RALYL: variants seen among roughly 807,000 people sequenced by gnomAD.
RALYL encodes RNA-binding Raly-like protein.
RALYL carries 29 observed loss-of-function variants against 35.1 expected under a neutral mutation model. The ratio of observed to expected loss-of-function variants is 0.83; its 90% CI spans 0.61 to 1.13. The LOEUF is 1.13. Ranked by LOEUF, RALYL falls within the 50% of genes most tolerant of loss-of-function variation. The probability of loss-of-function intolerance (pLI) is 0.00; values close to 1 mark genes in which losing one functional copy is unlikely to be tolerated. For synonymous variants in RALYL, 120 were observed against 127.6 expected (o/e 0.94, Z 0.40); for missense variants, 359 against 360.4 (o/e 1.00, Z 0.03).
At chr8:84,672,504 C>A (rs2131840961) in intron 2 of RALYL, among the ~76,000 whole-genome samples, 1 of 152,288 alleles carries the variant, frequency 6.6e-6, no homozygotes, top group East Asian at 1.9e-4. Context: ...CACCCCATTA[C>A]TTCGTACTAA....
At chr8:84,433,385 AG>A (rs2047349769) in intron 1 of RALYL, among the ~76,000 whole-genome samples, 1 of 152,066 alleles carries the variant, frequency 6.6e-6, no homozygotes, top group African/African-American at 2.4e-5. Flanking sequence ...AAATTCTTAG[AG>A]GGAGAGAATT....
At chr8:84,770,892 ATTAT>A (rs1282766684) in intron 2 of RALYL, among the ~76,000 whole-genome samples, 3 of 151,710 alleles carry the variant, frequency 2.0e-5, no homozygotes, top group African/African-American at 7.3e-5. Context: ...TTTTGATGTG[ATTAT>A]TTGTTTTTTT....
At chr8:84,236,587 A>T (rs1462516570) in intron 1 of RALYL, among the ~76,000 whole-genome samples, 1 of 152,150 alleles carries the variant, frequency 6.6e-6, no homozygotes, top group African/African-American at 2.4e-5. Flanking sequence ...AGACACTAGG[A>T]TTTGTGCTGA....
At chr8:84,792,835 C>T (rs181354205) in intron 3 of RALYL, among the ~76,000 whole-genome samples, 229 of 152,328 alleles carry the variant, frequency 1.5e-3, no homozygotes, top group African/African-American at 5.4e-3. Flanking sequence ...TTGTACTCTT[C>T]AAACCTGGAT....
chr8:84,353,516 G>A (rs962936743), intron 1 of RALYL, among the ~76,000 whole-genome samples: 1 of 150,352 alleles, frequency 6.7e-6, no homozygotes, highest in African/African-American at 2.5e-5. Context: ...GATTCCAGCT[G>A]TGACAATGTT....
Position 84,424,601 on chromosome 8 carries a change from G to A in RALYL, c.-23-104698G>A, listed in dbSNP as rs373459836. Among the ~76,000 whole-genome samples the A allele has an allele frequency of 2.8e-3, 421 of 151,526 alleles. 3 individuals carry two copies. Among genetic ancestry groups the A allele is most frequent in the East Asian group, 5.4e-3 (28 of 5,152 alleles). On this transcript the variant is annotated intron_variant, in intron 1 of 8. Transcript: ENST00000521268. ...TGTTCTGTTGCTGGTGAGGAACTGC[G>A]TTCCTTTGGAGGAGGAGAGACGCTC...
At chr8:84,645,864 A>T (rs578109542) in intron 2 of RALYL, among the ~76,000 whole-genome samples, 1 of 151,980 alleles carries the variant, frequency 6.6e-6, no homozygotes, top group Non-Finnish European at 1.5e-5. Flanking sequence ...GTCTATTCTC[A>T]TGCTTTTGTA....
Position 84,463,993 on chromosome 8 carries a change from T to C in RALYL, c.-23-65306T>C, listed in dbSNP as rs1392632799. Among the ~76,000 whole-genome samples, 3 of 152,064 alleles carry C rather than the reference T, an allele frequency of 2.0e-5. No individual in the cohort carries two copies. In the East Asian group the frequency reaches 5.8e-4, roughly 29 times the overall value. On this transcript the variant is annotated intron_variant, in intron 1 of 8. Coordinates refer to ENST00000521268, the MANE Select transcript of RALYL (RefSeq NM_173848.7). ...TCAATGGAATCATTCTGGGTGTGGC[T>C]TCCTTCACTTGTCATAATTCTCTGA...
chr8:84,728,397 G>A (rs921729964), intron 2 of RALYL, among the ~76,000 whole-genome samples: 3 of 151,828 alleles, frequency 2.0e-5, no homozygotes, highest in Admixed American at 6.6e-5. Context: ...TGAGAAGGTT[G>A]CGAAAATTTT....
At chr8:84,436,816 T>C (rs1170529128) in intron 1 of RALYL, among the ~76,000 whole-genome samples, 1 of 151,388 alleles carries the variant, frequency 6.6e-6, no homozygotes, top group Non-Finnish European at 1.5e-5. Context: ...TCCTATTTTG[T>C]TGTAAGGACA....
At chr8:84,824,417 C>A (rs1829207439) in intron 4 of RALYL, among the ~76,000 whole-genome samples, 1 of 152,112 alleles carries the variant, frequency 6.6e-6, no homozygotes, top group Admixed American at 6.6e-5. Flanking sequence ...AAATCAATAT[C>A]TTTAAAATGG....
intron 2 of RALYL, among the ~76,000 whole-genome samples, chr8:84,751,813 A>G (rs73300139): frequency 0.021 from 3,129 of 152,242 alleles, 122 homozygotes; most frequent in African/African-American, 0.071. Flanking sequence ...TGCCAGTATC[A>G]TGCTTCCTGT....
At chr8:84,330,322 A>G (rs1230563289) in intron 1 of RALYL, among the ~76,000 whole-genome samples, 2 of 152,064 alleles carry the variant, frequency 1.3e-5, no homozygotes, top group Non-Finnish European at 2.9e-5. Context: ...GTTTGACAAT[A>G]TATACTACAT....
At chr8:84,363,623 A>T (rs1228424002) in intron 1 of RALYL, among the ~76,000 whole-genome samples, 1 of 152,156 alleles carries the variant, frequency 6.6e-6, no homozygotes, top group East Asian at 1.9e-4. Context: ...CTTATAAGGG[A>T]GCATTGGCCT....
At chr8:84,754,534 AACTG>A (rs1810913950) in intron 2 of RALYL, among the ~76,000 whole-genome samples, 1 of 152,218 alleles carries the variant, frequency 6.6e-6, no homozygotes, top group South Asian at 2.1e-4. Flanking sequence ...GCAATGGTGG[AACTG>A]ACTATCAGTC....
chr8:84,413,646 G>A (rs534373160), intron 1 of RALYL, among the ~76,000 whole-genome samples: 32 of 152,016 alleles, frequency 2.1e-4, no homozygotes, highest in Admixed American at 1.4e-3. Flanking sequence ...TTTTCAATTA[G>A]AACATCCATA....
At chr8:84,746,642 C>T (rs1356835221) in intron 2 of RALYL, among the ~76,000 whole-genome samples, 1 of 151,872 alleles carries the variant, frequency 6.6e-6, no homozygotes, top group East Asian at 1.9e-4. Flanking sequence ...ATATTTATTT[C>T]ATAATAAGAA....
chr8:84,616,768 A>G (rs909888379), intron 2 of RALYL, among the ~76,000 whole-genome samples: 6 of 151,710 alleles, frequency 4.0e-5, no homozygotes, highest in Non-Finnish European at 8.8e-5. Context: ...TGATTTTTGT[A>G]TAAGGTGTAA....
chr8:84,573,856 A>T (rs1038849252), intron 2 of RALYL, among the ~76,000 whole-genome samples: 1 of 151,510 alleles, frequency 6.6e-6, no homozygotes, highest in Non-Finnish European at 1.5e-5. Flanking sequence ...CACAAGTTCA[A>T]TTTTTTCTTT....
Sources: gnomAD v4.1 joint callset for allele counts (sites outside exome capture counted in the v4.1 genomes callset) on GRCh38, gnomAD v4.1.1 for gene constraint, MANE v1.5 for transcripts, NCBI Gene and HGNC (gene_info 2026-07-23, HGNC 2026-07-21) for gene names.